MNAT1: variants seen among roughly 807,000 people sequenced by gnomAD.
MNAT1 encodes CDK-activating kinase assembly factor MAT1.
MNAT1 carries 43 observed loss-of-function variants against 42.0 expected under a neutral mutation model. That is an observed-to-expected ratio of 1.02 (90% CI 0.80 to 1.32). The LOEUF is 1.32. Among genes scored for constraint, MNAT1 ranks in the 40% most tolerant of loss-of-function variants. MNAT1 has a pLI of 0.00. For missense variants in MNAT1, 306 were observed against 350.4 expected, an observed-to-expected ratio of 0.87 and a Z score of 1.01; for synonymous variants, 118 against 120.0, an observed-to-expected ratio of 0.98 and a Z score of 0.11.
intron 3 of MNAT1, among the ~76,000 whole-genome samples, chr14:60,798,935 G>A (rs1032297715): frequency 1.3e-5 from 2 of 152,034 alleles, no homozygotes; most frequent in African/African-American, 4.8e-5. Flanking sequence ...ATAGGTAACT[G>A]TACTCAATAT....
At chr14:60,743,564 C>A (rs1347915156) in intron 1 of MNAT1, among the ~76,000 whole-genome samples, 1 of 152,236 alleles carries the variant, frequency 6.6e-6, no homozygotes, top group African/African-American at 2.4e-5. Context: ...GCTGAGATTA[C>A]AGGCGTGAGC....
At position 60,799,347 on chromosome 14, in the gene MNAT1, A is replaced by C. The variant is rs1016529637; in HGVS notation, c.316+1187A>C. 10 of 985,306 alleles carry C rather than the reference A, an allele frequency of 1.0e-5. No homozygotes were observed. The Admixed American group carries it at 1.8e-4, about 18-fold the overall frequency. 61.0% of individuals were successfully genotyped at this position (985,306 alleles called of 1,614,324 possible). A position where few individuals can be genotyped will look rare whatever the true frequency, so the allele number is the denominator to read the frequency against. On this transcript the variant is annotated intron_variant, in intron 3 of 7. Coordinates refer to ENST00000261245, the MANE Select transcript of MNAT1 (RefSeq NM_002431.4). Reference sequence around the variant, plus strand: ...TGGAAAAGTTAGAATGTAGACTGAGAAGAAAAACCAGAAAGAAATCTACAA... The same window carrying C: ...TGGAAAAGTTAGAATGTAGACTGAGCAGAAAAACCAGAAAGAAATCTACAA...
intron 6 of MNAT1, among the ~76,000 whole-genome samples, chr14:60,852,010 A>T (rs571210460): frequency 6.6e-6 from 1 of 152,268 alleles, no homozygotes; most frequent in East Asian, 1.9e-4. Flanking sequence ...TGCAATAAAC[A>T]TACGTGTGCA....
At chr14:60,768,254 A>G (rs1392848439) in intron 1 of MNAT1, among the ~76,000 whole-genome samples, 1 of 152,194 alleles carries the variant, frequency 6.6e-6, no homozygotes, top group Non-Finnish European at 1.5e-5. Flanking sequence ...GGTTGAGTGT[A>G]TAATATTATT....
intron 7 of MNAT1, among the ~76,000 whole-genome samples, chr14:60,917,432 G>A (rs1276002026): frequency 6.6e-6 from 1 of 151,940 alleles, no homozygotes; most frequent in East Asian, 1.9e-4. Context: ...TTTAAATATA[G>A]CGCAATCAAA....
At chr14:60,950,772 G>A (rs2139603995) in intron 7 of MNAT1, among the ~76,000 whole-genome samples, 1 of 152,172 alleles carries the variant, frequency 6.6e-6, no homozygotes, top group Middle Eastern at 3.4e-3. Context: ...ATAATTTGTG[G>A]TGATAATTGT....
intron 7 of MNAT1, among the ~76,000 whole-genome samples, chr14:60,948,621 G>A (rs1334378496): frequency 1.3e-5 from 2 of 152,048 alleles, no homozygotes; most frequent in African/African-American, 4.8e-5. Context: ...GTACTCGCCT[G>A]ACTTCTCCGG....
chr14:60,941,642 G>T (rs1489631972), intron 7 of MNAT1, among the ~76,000 whole-genome samples: 1 of 151,764 alleles, frequency 6.6e-6, no homozygotes, highest in Non-Finnish European at 1.5e-5. Flanking sequence ...GGAGTTCAAG[G>T]CTGGTGCTAA....
At chr14:60,736,854 GT>G (rs765411420) in intron 1 of MNAT1, among the ~76,000 whole-genome samples, 1 of 152,040 alleles carries the variant, frequency 6.6e-6, no homozygotes, top group Non-Finnish European at 1.5e-5. Context: ...CATAATATTT[GT>G]TTACTATATA....
intron 7 of MNAT1, among the ~76,000 whole-genome samples, chr14:60,947,828 A>G (rs2036310261): frequency 6.6e-6 from 1 of 152,164 alleles, no homozygotes; most frequent in South Asian, 2.1e-4. Flanking sequence ...TCCAAATGGA[A>G]CTTACCTTCA....
At chr14:60,746,116 T>C (rs968168613) in intron 1 of MNAT1, among the ~76,000 whole-genome samples, 7 of 152,188 alleles carry the variant, frequency 4.6e-5, no homozygotes, top group Admixed American at 3.3e-4. Flanking sequence ...CACCATAGAC[T>C]AGCGAGTTAT....
At chr14:60,863,100 T>A (rs8013545) in intron 6 of MNAT1, among the ~76,000 whole-genome samples, 93,539 of 152,030 alleles carry the variant, frequency 0.62, 30,552 homozygotes, top group Non-Finnish European at 0.71. Flanking sequence ...TGCAGTCTTA[T>A]ACAGTATGAT....
At chr14:60,850,861 A>G (rs534072871) in intron 6 of MNAT1, among the ~76,000 whole-genome samples, 146 of 152,346 alleles carry the variant, frequency 9.6e-4, no homozygotes, top group African/African-American at 3.3e-3. Flanking sequence ...TGGATGTAGA[A>G]TCTGCCAAAA....
chr14:60,740,228 T>A lies in MNAT1; in HGVS notation c.89+5277T>A, dbSNP rs1896425233. On this transcript the variant is annotated intron_variant, in intron 1 of 7. Transcript: ENST00000261245. This position sits in a 1 kb window ranked among gnomAD's most constrained non-coding sequence, Gnocchi z 4.1. The stretch of plus-strand genomic sequence containing the variant: ...TGGAAATTTTATGTGCTAAATCTAC[T>A]TTTTTCATCACGCACGAGACGCAAA... Among the ~76,000 whole-genome samples, 2 of 152,222 alleles carry A rather than the reference T, an allele frequency of 1.3e-5. No homozygotes were observed. The highest frequency in any genetic ancestry group is 2.1e-4 in the South Asian group (1 of 4,822).
chr14:60,772,527 G>A (rs140496307), intron 1 of MNAT1, among the ~76,000 whole-genome samples: 5 of 151,888 alleles, frequency 3.3e-5, no homozygotes, highest in African/African-American at 7.2e-5. Context: ...ACCAGGAGGC[G>A]GAGGTTACAG....
intron 7 of MNAT1, among the ~76,000 whole-genome samples, chr14:60,951,096 A>G (rs1175386693): frequency 6.6e-6 from 1 of 152,182 alleles, no homozygotes. Flanking sequence ...AACAGTTGTT[A>G]AATATTTCAA....
intron 7 of MNAT1, among the ~76,000 whole-genome samples, chr14:60,916,497 A>G (rs1044931199): frequency 6.6e-6 from 1 of 152,132 alleles, no homozygotes; most frequent in African/African-American, 2.4e-5. Context: ...TTTACAAAAA[A>G]TGTAAAAATT....
At chr14:60,915,972 T>G (rs773043313) in intron 7 of MNAT1, among the ~76,000 whole-genome samples, 2 of 152,198 alleles carry the variant, frequency 1.3e-5, no homozygotes, top group African/African-American at 2.4e-5. Flanking sequence ...AAGACACATT[T>G]GGACAGCTCT....
chr14:60,890,791 T>G (rs1352381343), intron 7 of MNAT1, among the ~76,000 whole-genome samples: 1 of 152,236 alleles, frequency 6.6e-6, no homozygotes, highest in Admixed American at 6.5e-5. Flanking sequence ...CTAGCCACAC[T>G]GGCAGCTGAT....
Sources: allele counts gnomAD v4.1 joint callset (sites outside exome capture counted in the v4.1 genomes callset), GRCh38; gene constraint gnomAD v4.1.1; non-coding constraint Gnocchi (gnomAD v3.1); transcripts MANE v1.5; gene names NCBI Gene and HGNC (gene_info 2026-07-23, HGNC 2026-07-21).